The following ADPRHL1 variants were observed in gnomAD, a reference collection of about 807,000 sequenced individuals.
ADPRHL1 encodes ADP-ribosylhydrolase like 1.
ADPRHL1 carries 43 observed loss-of-function variants against 44.1 expected under a neutral mutation model. That is an observed-to-expected ratio of 0.98 (90% CI 0.76 to 1.26). ADPRHL1 has a LOEUF of 1.26. Ranked by LOEUF, ADPRHL1 falls within the 50% of genes most tolerant of loss-of-function variation. The pLI, the probability that ADPRHL1 is intolerant of heterozygous loss-of-function variation, is 0.00. For synonymous variants in ADPRHL1, 878 were observed against 1,017.4 expected (o/e 0.86, Z 2.61); for missense variants, 2,022 against 2,496.9 (o/e 0.81, Z 4.05).
intron 7 of ADPRHL1, among the ~76,000 whole-genome samples, chr13:113,411,616 C>A (rs940260965): frequency 2.0e-5 from 3 of 152,226 alleles, no homozygotes; most frequent in Non-Finnish European, 4.4e-5. Flanking sequence ...ATCTGAGACA[C>A]GTTTTCACTC....
rs189010850 is a variant in ADPRHL1, at chr13:113,447,408, T to C, written c.215-2819A>G. On this transcript the variant is annotated intron_variant, in intron 1 of 7. Coordinates refer to ENST00000612156, the MANE Select transcript of ADPRHL1 (RefSeq NM_001394807.1). ...GTGTTGTGTGTGCATGGCGTCTACA[T>C]GCACGGTGTTGTGTGTGCATGGTGT... 2.3e-3 allele frequency among the ~76,000 whole-genome samples: 316 copies of C among 139,324 alleles called. 2 individuals are homozygous for C. Among genetic ancestry groups the C allele is most frequent in the African/African-American group, 8.0e-3 (298 of 37,128 alleles). The allele number at this position is 139,324 out of a possible 152,430, so 91.4% of individuals were successfully genotyped here.
rs192501149 is a variant in ADPRHL1 at position 113,430,304 on chromosome 13, C to T, written c.506-1212G>A. Reference sequence around the variant, plus strand: ...ACAGTCCTGGAAATCCCGTGGTCACCGTCTGGGTGGAGACAGCCCTGGAGG... The same window carrying T: ...ACAGTCCTGGAAATCCCGTGGTCACTGTCTGGGTGGAGACAGCCCTGGAGG... On this transcript the variant is annotated intron_variant, in intron 3 of 7. Coordinates refer to ENST00000612156, the MANE Select transcript of ADPRHL1 (RefSeq NM_001394807.1). 1.5e-3 allele frequency among the ~76,000 whole-genome samples: 235 copies of T among 152,334 alleles called. 1 individual carries two copies. Among genetic ancestry groups the T allele is most frequent in the Admixed American group, 2.9e-3 (44 of 15,300 alleles).
chr13:113,430,894 G>A (rs1397429966), intron 3 of ADPRHL1, among the ~76,000 whole-genome samples: 2 of 152,206 alleles, frequency 1.3e-5, no homozygotes, highest in African/African-American at 4.8e-5. Flanking sequence ...GACCCCCGTT[G>A]CCGAGCCCTT....
intron 2 of ADPRHL1, among the ~76,000 whole-genome samples, chr13:113,443,496 G>A (rs1296657290): frequency 6.6e-6 from 1 of 151,044 alleles, no homozygotes; most frequent in Non-Finnish European, 1.5e-5. Context: ...GAATGGACCT[G>A]TGATCCCAGC....
chr13:113,450,911 T>C (rs1595558773), intron 1 of ADPRHL1, among the ~76,000 whole-genome samples: 1 of 150,134 alleles, frequency 6.7e-6, no homozygotes, highest in South Asian at 2.1e-4. Flanking sequence ...CCACAAGAGG[T>C]GGAAGAGCAG....
chr13:113,415,440 G>A (rs1398253244), intron 7 of ADPRHL1, among the ~76,000 whole-genome samples: 1 of 152,188 alleles, frequency 6.6e-6, no homozygotes, highest in African/African-American at 2.4e-5. Context: ...ACCAGGCAGG[G>A]TCCACCGAAT....
Position 113,406,245 on chromosome 13 carries a change from G to A in ADPRHL1, c.3037C>T (p.Leu1013Phe), listed in dbSNP as rs2043807730. 2.4e-6 allele frequency: 3 copies of A among 1,232,102 alleles called. No homozygotes were observed. Among genetic ancestry groups the A allele is most frequent in the Non-Finnish European group, 3.0e-6 (3 of 987,982 alleles). 76.3% of individuals were successfully genotyped at this position (1,232,102 alleles called of 1,614,324 possible). The change falls in exon 8 of 8, where the codon CTT (leucine) becomes TTT (phenylalanine). Residue 1013 changes from leucine to phenylalanine, a missense_variant. Leu to Phe is a conservative substitution (Grantham distance 22). This residue lies in a region of ADPRHL1 where 1,221 missense variants were observed against 1,517.8 expected (regional missense o/e 0.80). Transcript: ENST00000612156. ...GCATGGCTGGTGTTTCCCCTCAGAAGGTTTTGTGAGGCTGCAGGATCATTT... is the reference window on the plus strand; with the variant it reads ...GCATGGCTGGTGTTTCCCCTCAGAAAGTTTTGTGAGGCTGCAGGATCATTT... ...ATNDPAASQN[L>F]LRGNTSHASS... is the part of the protein sequence containing the mutation.
rs970995774 is a variant in ADPRHL1, at chr13:113,403,491, A to G, written c.5791T>C (p.Ser1931Pro). Residue 1931 changes from serine to proline, a missense_variant, in exon 8 of 8, where the codon TCC becomes CCC. By Grantham distance (74) the Ser-to-Pro change is moderately conservative. Transcript: ENST00000612156. The part of the protein sequence containing the change: ...EASEPERRGR[S>P]RHLAKYKAQS... ...GCTTTGTACTTGGCCAGGTGCCTGG[A>G]CCTCCCGCGACGCTCGGGCTCCGAT... is the stretch of plus-strand genomic sequence containing the variant. 1 of 1,231,610 alleles carries G rather than the reference A, an allele frequency of 8.1e-7. No individual in the cohort carries two copies. The highest frequency in any genetic ancestry group is 1.0e-6 in the Non-Finnish European group (1 of 987,900). 76.3% of individuals were successfully genotyped at this position (1,231,610 alleles called of 1,614,324 possible).
rs527528212 is a variant in ADPRHL1 at position 113,406,763 on chromosome 13, G to C, written c.2519C>G (p.Pro840Arg). 3 of 1,232,012 alleles carry C rather than the reference G, an allele frequency of 2.4e-6. No individual in the cohort carries two copies. The highest frequency in any genetic ancestry group is 3.0e-6 in the Non-Finnish European group (3 of 987,990). The allele number at this position is 1,232,012 out of a possible 1,614,324, so 76.3% of individuals were successfully genotyped here. A position where few individuals can be genotyped will look rare whatever the true frequency, so the allele number is the denominator to read the frequency against. ...TGGAATTTGGACAGTTATCCGTGGAGGCTCCGTGGCAGGCTGTGTTCTCCG... is the reference window on the plus strand; with the variant it reads ...TGGAATTTGGACAGTTATCCGTGGACGCTCCGTGGCAGGCTGTGTTCTCCG... ...AARRTQPATE[P>R]PRITVQIPVV... is the part of the protein sequence containing the mutation. The change falls in exon 8 of 8, where the codon CCT (proline) becomes CGT (arginine). Residue 840 changes from proline (P) to arginine (R), a missense_variant. By Grantham distance (103) the Pro-to-Arg change is moderately radical (BLOSUM62 -2). This residue lies in a region of ADPRHL1 where 1,221 missense variants were observed against 1,517.8 expected (regional missense o/e 0.80). Coordinates refer to ENST00000612156, the MANE Select transcript of ADPRHL1 (RefSeq NM_001394807.1).
chr13:113,429,739 C>T (rs891655348), intron 3 of ADPRHL1, among the ~76,000 whole-genome samples: 4 of 152,230 alleles, frequency 2.6e-5, no homozygotes, highest in Non-Finnish European at 4.4e-5. Flanking sequence ...TGTGCACACT[C>T]AGGCGTTTCC....
Position 113,444,516 on chromosome 13 carries a change from T to C in ADPRHL1, c.288A>G (p.Glu96=), listed in dbSNP as rs759739272. The C allele has an allele frequency of 6.2e-7, 1 of 1,614,214 alleles. No individual in the cohort carries two copies. Among genetic ancestry groups the C allele is most frequent in the Non-Finnish European group, 8.5e-7 (1 of 1,180,044 alleles). The change falls in exon 2 of 8, where the codon GAA becomes GAG. Residue 96 remains glutamate (E), a synonymous_variant. Coordinates refer to ENST00000612156, the MANE Select transcript of ADPRHL1 (RefSeq NM_001394807.1). ...CAATGGTAGCTGGGTCTGGCCGGCGTTCTGGAAGCTTCTCAACGATTTCCA... is the reference window on the plus strand; with the variant it reads ...CAATGGTAGCTGGGTCTGGCCGGCGCTCTGGAAGCTTCTCAACGATTTCCA... ...CYVEIVEKLP[E]RRPDPATIEG...
At position 113,405,322 on chromosome 13, in the gene ADPRHL1, C is replaced by T. The variant is rs56757129; in HGVS notation, c.3960G>A (p.Ala1320=). The T allele has an allele frequency of 0.096, 117,819 of 1,231,788 alleles. 6,488 individuals are homozygous for T. The highest frequency in any genetic ancestry group is 0.23 in the African/African-American group (14,976 of 64,522). 76.3% of individuals were successfully genotyped at this position (1,231,788 alleles called of 1,614,324 possible). A position where few individuals can be genotyped will look rare whatever the true frequency, so the allele number is the denominator to read the frequency against. Residue 1320 remains alanine, a synonymous_variant, in exon 8 of 8, where the codon GCG becomes GCA. Transcript: ENST00000612156. The part of the protein sequence containing the change: ...PDHLLPAVPP[A]EVDMGWVGGT... The stretch of plus-strand genomic sequence containing the variant: ...CACCTACCCACCCCATGTCCACCTC[C>T]GCGGGAGGCACTGCGGGAAGCAGAT...
rs960703899 is a variant in ADPRHL1, at chr13:113,405,071, G to C, written c.4211C>G (p.Ser1404Trp). 8.1e-7 allele frequency: 1 copy of C among 1,232,162 alleles called. No homozygotes were observed. Among genetic ancestry groups the C allele is most frequent in the Non-Finnish European group, 1.0e-6 (1 of 988,304 alleles). 76.3% of individuals were successfully genotyped at this position (1,232,162 alleles called of 1,614,324 possible). The change falls in exon 8 of 8, where the codon TCG becomes TGG. Residue 1404 changes from serine to tryptophan, a missense_variant. Ser to Trp is a radical substitution (Grantham distance 177). Transcript: ENST00000612156. ...TTTTGCTGGGTTCAGCACAACCTTC[G>C]AGCCCGACGGCGCCACCCTCTTCCC... ...DAGKRVAPSG[S>W]KVVLNPAKEP...
chr13:113,425,842 G>A (rs1203252833), intron 4 of ADPRHL1, among the ~76,000 whole-genome samples: 1 of 151,916 alleles, frequency 6.6e-6, no homozygotes, highest in African/African-American at 2.4e-5. Flanking sequence ...CACCACGCCC[G>A]GCTAATTTTT....
chr13:113,406,501 T>TCA lies in ADPRHL1; in HGVS notation c.2780_2781insTG (p.Ala928GlufsTer18). The TCA allele has an allele frequency of 2.4e-5, 30 of 1,232,034 alleles. No individual in the cohort carries two copies. The highest frequency in any genetic ancestry group is 3.0e-5 in the Non-Finnish European group (30 of 987,996). 76.3% of individuals were successfully genotyped at this position (1,232,034 alleles called of 1,614,324 possible). A position where few individuals can be genotyped will look rare whatever the true frequency, so the allele number is the denominator to read the frequency against. On this transcript the variant is annotated frameshift_variant, in exon 8 of 8. Transcript: ENST00000612156. LOFTEE classifies it low-confidence loss of function (END_TRUNC). ...CGGCGCCCACAGCCCCTCTTGCTGCTGCCAGACGCGGAGCTGCCCGTGGCC... is the reference window on the plus strand; with the variant it reads ...CGGCGCCCACAGCCCCTCTTGCTGCTCAGCCAGACGCGGAGCTGCCCGTGGCC...
Position 113,407,556 on chromosome 13 carries a change from T to A in ADPRHL1, c.1726A>T (p.Lys576Ter). The A allele has an allele frequency of 8.1e-7, 1 of 1,232,200 alleles. No individual in the cohort carries two copies. Among genetic ancestry groups the A allele is most frequent in the Non-Finnish European group, 1.0e-6 (1 of 988,100 alleles). The allele number at this position is 1,232,200 out of a possible 1,614,324, so 76.3% of individuals were successfully genotyped here. The change falls in exon 8 of 8, where the codon AAG becomes TAG. Residue 576 changes from lysine (K) to a stop codon, truncating the protein, a stop_gained. Transcript: ENST00000612156. LOFTEE classifies it low-confidence loss of function (END_TRUNC). ...CTCTTCCTCTGCAGGTTCCTCTTCT[T>A]CCGCTCCTGCGTGTGCAGCCTCAGC... is the stretch of plus-strand genomic sequence containing the variant. ...SALRLHTQER[K>*]KRNLQRKRMH... is the part of the protein sequence containing the mutation.
chr13:113,425,584 C>T (rs2043962477), intron 4 of ADPRHL1, among the ~76,000 whole-genome samples: 1 of 151,946 alleles, frequency 6.6e-6, no homozygotes, highest in East Asian at 1.9e-4. Context: ...GTTAGTCAGG[C>T]TGATCTCGAA....
intron 7 of ADPRHL1, among the ~76,000 whole-genome samples, chr13:113,408,886 GAGGAGGGAAAGATGGGGCTACTGAA>G (rs1325741689): frequency 7.0e-6 from 1 of 143,602 alleles, no homozygotes; most frequent in Admixed American, 6.8e-5. Context: ...GGGCTGCAGA[GAGGAGGGAAAGATGGGGCTACTGAA>G]AGGAGGGGAG....
intron 7 of ADPRHL1, among the ~76,000 whole-genome samples, chr13:113,413,861 G>A (rs527249986): frequency 2.2e-4 from 33 of 152,342 alleles, no homozygotes; most frequent in Non-Finnish European, 3.8e-4. Flanking sequence ...AAACAGCAGG[G>A]TGCCCGGCTT....
Sources: allele counts gnomAD v4.1 joint callset (sites outside exome capture counted in the v4.1 genomes callset), GRCh38; gene constraint gnomAD v4.1.1; regional missense constraint gnomAD v4.1.1; transcripts MANE v1.5; gene names NCBI Gene and HGNC (gene_info 2026-07-23, HGNC 2026-07-21).